TRPM7: variants seen among roughly 807,000 people sequenced by gnomAD.
TRPM7 encodes transient receptor potential cation channel subfamily M member 7.
In TRPM7, 134 loss-of-function variants were observed where a neutral mutation model predicts 229.7. The ratio of observed to expected loss-of-function variants is 0.58; its 90% CI spans 0.51 to 0.67. TRPM7 has a LOEUF of 0.67. Among genes scored for constraint, TRPM7 ranks in the 30% least tolerant of loss-of-function variants. The probability of loss-of-function intolerance (pLI) is 0.00; values close to 1 mark genes in which losing one functional copy is unlikely to be tolerated. For missense variants in TRPM7, 1,901 were observed against 2,210.0 expected (o/e 0.86, Z 2.80); for synonymous variants, 699 against 715.2 (o/e 0.98, Z 0.36).
intron 1 of TRPM7, among the ~76,000 whole-genome samples, chr15:50,678,875 A>C (rs2062163906): frequency 3.1e-5 from 1 of 32,426 alleles, no homozygotes; most frequent in Admixed American, 4.4e-4. Flanking sequence ...TGCAAAAACA[A>C]AAAAAAAAAT....
chr15:50,593,636 T>C lies in TRPM7; in HGVS notation c.3589A>G (p.Ile1197Val). 1.9e-6 allele frequency: 3 copies of C among 1,611,880 alleles called. No individual in the cohort carries two copies. Among genetic ancestry groups the C allele is most frequent in the Non-Finnish European group, 2.5e-6 (3 of 1,179,396 alleles). The change falls in exon 25 of 39, where the codon ATT becomes GTT. Residue 1197 changes from isoleucine (I) to valine (V), a missense_variant. Physicochemically the swap from Ile to Val is conservative, Grantham distance 29 (BLOSUM62 3). Around this residue, in one of 8 missense-constraint regions of TRPM7, gnomAD observed 533 missense variants for 497.1 expected, o/e 1.07. Transcript: ENST00000646667. ...CTGAACCTTTCAAAAGTGACACGAA[T>C]TCTCTCTTCACTCCCAGAATGAAAT... Reference protein sequence around the residue: ...DKFHSGSEERIRVTFERVEQM... With the variant: ...DKFHSGSEERVRVTFERVEQM...
At chr15:50,668,039 C>A (rs988096618) in intron 1 of TRPM7, among the ~76,000 whole-genome samples, 3 of 152,180 alleles carry the variant, frequency 2.0e-5, no homozygotes, top group Admixed American at 6.5e-5. Context: ...AACCAAAATT[C>A]TTTGTCAATC....
intron 12 of TRPM7, among the ~76,000 whole-genome samples, chr15:50,621,116 C>T (rs1437539972): frequency 6.9e-6 from 1 of 144,164 alleles, no homozygotes; most frequent in Non-Finnish European, 1.5e-5. Context: ...GCCAAGATCG[C>T]GCCACTGCAC....
chr15:50,686,659 G>C lies in TRPM7; in HGVS notation c.-126C>G. 7.3e-7 allele frequency: 1 copy of C among 1,369,130 alleles called. No individual in the cohort carries two copies. Among genetic ancestry groups the C allele is most frequent in the South Asian group, 1.4e-5 (1 of 72,392 alleles). The allele number at this position is 1,369,130 out of a possible 1,614,324, so 84.8% of individuals were successfully genotyped here. On this transcript the variant is annotated 5_prime_UTR_variant, in exon 1 of 39. Coordinates refer to ENST00000646667, the MANE Select transcript of TRPM7 (RefSeq NM_017672.6). Reference sequence around the variant, plus strand: ...AGGCCGCCGGACAAGGAACGCCCAGGGAAACCTTCTCAGAACTAACTCAGC... The same window carrying C: ...AGGCCGCCGGACAAGGAACGCCCAGCGAAACCTTCTCAGAACTAACTCAGC...
chr15:50,640,456 T>C (rs899459386), intron 5 of TRPM7, among the ~76,000 whole-genome samples: 4 of 147,134 alleles, frequency 2.7e-5, no homozygotes, highest in African/African-American at 5.0e-5. Flanking sequence ...TTTTTTTCTT[T>C]TTTTTTTTTT....
At chr15:50,594,645 C>CTT in intron 23 of TRPM7, 32 bp from the exon 24 acceptor site, 1 of 1,417,276 alleles carries the variant, frequency 7.1e-7, no homozygotes. Context: ...ATAAAATAAA[C>CTT]TTTGTTAATC....
intron 30 of TRPM7, among the ~76,000 whole-genome samples, chr15:50,580,303 A>G (rs2054337800): frequency 6.6e-6 from 1 of 152,088 alleles, no homozygotes; most frequent in African/African-American, 2.4e-5. Flanking sequence ...ATTTGTCTTT[A>G]CCCTTATGTC....
In TRPM7 at chr15:50,586,619, G is replaced by A. The variant is rs142322419; in HGVS notation, c.4390-131C>T. On this transcript the variant is annotated intron_variant, in intron 27 of 38. Coordinates refer to ENST00000646667, the MANE Select transcript of TRPM7 (RefSeq NM_017672.6). ...TTATTCTACCTGGACACCAATGGGTGTATTATAGATTATGGTTATTTTCTT... is the reference window on the plus strand; with the variant it reads ...TTATTCTACCTGGACACCAATGGGTATATTATAGATTATGGTTATTTTCTT... 13 of 556,182 alleles carry A rather than the reference G, an allele frequency of 2.3e-5. No individual in the cohort carries two copies. The East Asian group carries it at 3.1e-4, about 13-fold the overall frequency. The allele number at this position is 556,182 out of a possible 1,614,324, so 34.5% of individuals were successfully genotyped here.
rs34122648 is a variant in TRPM7 at position 50,652,328 on chromosome 15, CAAAAAAAA to C, written c.123-3451_123-3444del. Among the ~76,000 whole-genome samples the C allele has an allele frequency of 9.8e-3, 335 of 34,200 alleles. 1 individual carries two copies. Among genetic ancestry groups the C allele is most frequent in the South Asian group, 0.016 (10 of 610 alleles). 22.4% of individuals were successfully genotyped at this position (34,200 alleles called of 152,430 possible). A position where few individuals can be genotyped will look rare whatever the true frequency, so the allele number is the denominator to read the frequency against. ...AGCCTGGCTGAGTGAGACTCCATCT[CAAAAAAAA>C]AAAAAAAAAAAAAAAAAAAGAACAC... On this transcript the variant is annotated intron_variant, in intron 3 of 38. Transcript: ENST00000646667.
chr15:50,571,647 G>A (rs542461129), intron 36 of TRPM7, among the ~76,000 whole-genome samples: 1 of 152,100 alleles, frequency 6.6e-6, no homozygotes, highest in African/African-American at 2.4e-5. Context: ...ATAAAAAAGA[G>A]GGAAAAAAGT....
intron 4 of TRPM7, among the ~76,000 whole-genome samples, chr15:50,644,814 A>AG (rs1294023996): frequency 6.6e-6 from 1 of 151,362 alleles, no homozygotes; most frequent in Non-Finnish European, 1.5e-5. Flanking sequence ...AAAAAAAAAA[A>AG]AAAAAAAAGA....
chr15:50,630,638 T>C (rs1301566969), intron 10 of TRPM7, among the ~76,000 whole-genome samples: 7 of 152,196 alleles, frequency 4.6e-5, no homozygotes. Context: ...TAATGCCTTA[T>C]AACCTTTAAA....
chr15:50,648,985 T>G, intron 3 of TRPM7, 100 bp from the exon 4 acceptor site: 1 of 812,884 alleles, frequency 1.2e-6, no homozygotes, highest in African/African-American at 1.8e-5. Context: ...AGCTTTAAAA[T>G]TTTTATATTT....
chr15:50,644,709 A>C (rs1386711002), intron 4 of TRPM7, among the ~76,000 whole-genome samples: 1 of 148,046 alleles, frequency 6.8e-6, no homozygotes, highest in African/African-American at 2.5e-5. Flanking sequence ...AGGCAAGAGA[A>C]TTGCTTGAAC....
At chr15:50,655,287 G>A (rs1407333829) in intron 3 of TRPM7, among the ~76,000 whole-genome samples, 1 of 151,544 alleles carries the variant, frequency 6.6e-6, no homozygotes, top group Non-Finnish European at 1.5e-5. Context: ...TACAAAATGA[G>A]CCAGGCATGG....
chr15:50,575,790 C>G lies in TRPM7; in HGVS notation c.4670-1G>C. 6.2e-7 allele frequency: 1 copy of G among 1,613,412 alleles called. No homozygotes were observed. The highest frequency in any genetic ancestry group is 8.5e-7 in the Non-Finnish European group (1 of 1,179,706). On this transcript the variant is annotated splice_acceptor_variant, in intron 32 of 38. Coordinates refer to ENST00000646667, the MANE Select transcript of TRPM7 (RefSeq NM_017672.6). LOFTEE classifies it high-confidence loss of function. ...CTCATCAAGTTATTTCTTTCCACAG[C>G]TGCATAAAAATGAGAGAGAAATAAT...
At chr15:50,640,404 G>A (rs527833246) in intron 5 of TRPM7, among the ~76,000 whole-genome samples, 1 of 149,864 alleles carries the variant, frequency 6.7e-6, no homozygotes. Flanking sequence ...AGCCTCCCAA[G>A]TAGCTAGGAG....
intron 1 of TRPM7, among the ~76,000 whole-genome samples, chr15:50,665,598 G>T (rs2061859324): frequency 6.6e-6 from 1 of 152,096 alleles, no homozygotes; most frequent in African/African-American, 2.4e-5. Context: ...TAAATTCTTA[G>T]AAGTGAATAA....
rs2053938869 is a variant in TRPM7, at chr15:50,572,489, C to T, written c.5308+1785G>A. Among the ~76,000 whole-genome samples the T allele has an allele frequency of 2.0e-5, 3 of 152,176 alleles. No homozygotes were observed. The South Asian group carries it at 6.2e-4, about 31-fold the overall frequency. ...TGTACACTGTTCTTCATACACAATG[C>T]TATCACACACTTTAGACTACAGTAT... On this transcript the variant is annotated intron_variant, in intron 36 of 38. Coordinates refer to ENST00000646667, the MANE Select transcript of TRPM7 (RefSeq NM_017672.6).
Sources: allele counts gnomAD v4.1 joint callset (sites outside exome capture counted in the v4.1 genomes callset), GRCh38; gene constraint gnomAD v4.1.1; regional missense constraint gnomAD v4.1.1; transcripts MANE v1.5; gene names NCBI Gene and HGNC (gene_info 2026-07-23, HGNC 2026-07-21).